The following PGD variants were observed in gnomAD, a reference collection of about 807,000 sequenced individuals.
The protein encoded by PGD is phosphogluconate dehydrogenase.
PGD carries 21 observed loss-of-function variants against 60.4 expected under a neutral mutation model. That is an observed-to-expected ratio of 0.35 (90% confidence interval 0.25 to 0.50). The LOEUF (loss-of-function observed/expected upper bound fraction) is 0.50, where lower values mean the gene tolerates loss of function less well. PGD is among the 20% of genes least tolerant of loss of function. PGD has a pLI of 0.98. For missense variants in PGD, 477 were observed against 613.1 expected (o/e 0.78, Z 2.34); for synonymous variants, 230 against 235.9 (o/e 0.97, Z 0.23).
At chr1:10,399,763 G>A (rs1472584216) in intron 2 of PGD, 59 bp downstream of exon 2, 2 of 1,458,856 alleles carry the variant, frequency 1.4e-6, no homozygotes, top group Non-Finnish European at 1.9e-6. Context: ...GCCGAGGCCG[G>A]CGATAGGTTT....
At chr1:10,417,223 G>A in intron 9 of PGD, 106 bp downstream of exon 9, 2 of 1,472,538 alleles carry the variant, frequency 1.4e-6, no homozygotes, top group Non-Finnish European at 1.9e-6. Flanking sequence ...CAGGTGGAAT[G>A]AAGTTCAGCC....
In PGD at chr1:10,419,733, C is replaced by G. The variant is rs749994897; in HGVS notation, c.1436C>G (p.Ser479Trp). The change falls in exon 13 of 13, where the codon TCG becomes TGG. Residue 479 changes from serine to tryptophan, a missense_variant. Physicochemically the swap from Ser to Trp is radical, Grantham distance 177 (BLOSUM62 -3). Transcript: ENST00000270776. ...GGCCATGGTGGCACCGTGTCATCCT[C>G]GTCATACAATGCCTGATCATGCTGC... The part of the protein sequence containing the change: ...WTGHGGTVSS[S>W]SYNA 6.2e-7 allele frequency: 1 copy of G among 1,614,096 alleles called. No individual in the cohort carries two copies. Among genetic ancestry groups the G allele is most frequent in the Admixed American group, 1.7e-5 (1 of 60,008 alleles).
chr1:10,410,235 G>C (rs1476586573), intron 6 of PGD, among the ~76,000 whole-genome samples: 1 of 152,082 alleles, frequency 6.6e-6, no homozygotes, highest in Non-Finnish European at 1.5e-5. Flanking sequence ...TGGATCACCT[G>C]AGGTCAGGAG....
intron 2 of PGD, 86 bp downstream of exon 2, chr1:10,399,790 C>G (rs1349642229): frequency 1.7e-6 from 2 of 1,146,644 alleles, no homozygotes; most frequent in Non-Finnish European, 2.6e-6. Context: ...TTACGGGTCT[C>G]CTGGCCGTGC....
intron 6 of PGD, among the ~76,000 whole-genome samples, chr1:10,410,808 A>G (rs1639486987): frequency 6.6e-6 from 1 of 151,952 alleles, no homozygotes; most frequent in African/African-American, 2.4e-5. Context: ...GATTTTATAC[A>G]TCTTGCCAGC....
At chr1:10,414,306 T>C (rs1170826037) in intron 8 of PGD, among the ~76,000 whole-genome samples, 1 of 152,018 alleles carries the variant, frequency 6.6e-6, no homozygotes, top group Non-Finnish European at 1.5e-5. Flanking sequence ...GGAAATAATA[T>C]AAAGAAATAA....
chr1:10,406,889 A>G (rs932259458), intron 5 of PGD, among the ~76,000 whole-genome samples: 2 of 152,252 alleles, frequency 1.3e-5, no homozygotes, highest in Non-Finnish European at 2.9e-5. Flanking sequence ...CAAATGAAAG[A>G]GGGTCTCTTC....
intron 5 of PGD, among the ~76,000 whole-genome samples, chr1:10,405,299 G>A (rs1381484368): frequency 6.6e-6 from 1 of 151,628 alleles, no homozygotes; most frequent in Non-Finnish European, 1.5e-5. Flanking sequence ...CTTGAACCTA[G>A]GAGGCAGAGG....
chr1:10,403,525 A>G (rs1408708071), intron 4 of PGD, among the ~76,000 whole-genome samples: 1 of 148,304 alleles, frequency 6.7e-6, no homozygotes, highest in East Asian at 2.0e-4. Flanking sequence ...TGGGAGGCAG[A>G]AGTTGCAGTG....
intron 1 of PGD, 59 bp downstream of exon 1, chr1:10,399,184 G>T: frequency 6.3e-7 from 1 of 1,585,200 alleles, no homozygotes. Context: ...ACTCTTTGGG[G>T]GTCGAGATCT....
rs754784178 is a variant in PGD, at chr1:10,413,120, A to G, written c.713A>G (p.Asn238Ser). 3.7e-6 allele frequency: 6 copies of G among 1,614,010 alleles called. No homozygotes were observed. The highest frequency in any genetic ancestry group is 1.6e-4 in the Middle Eastern group (1 of 6,084). ...LDSFLIEITA[N>S]ILKFQDTDGK... ...TCATTCCTGATTGAAATCACAGCCA[A>G]TATTCTCAAGTTCCAAGACACCGAT... Residue 238 changes from asparagine (N) to serine (S), a missense_variant, in exon 8 of 13, where the codon AAT becomes AGT. Around this residue, in one of 3 missense-constraint regions of PGD, gnomAD observed 431 missense variants for 556.6 expected, o/e 0.77. Coordinates refer to ENST00000270776, the MANE Select transcript of PGD (RefSeq NM_002631.4).
At chr1:10,409,339 C>T (rs536679339) in intron 6 of PGD, among the ~76,000 whole-genome samples, 5 of 152,136 alleles carry the variant, frequency 3.3e-5, no homozygotes, top group Non-Finnish European at 7.4e-5. Flanking sequence ...TGAGCTCAGT[C>T]AGAATCTGCT....
At chr1:10,417,568 C>T (rs1639618878) in intron 10 of PGD, 59 bp downstream of exon 10, 9 of 1,534,126 alleles carry the variant, frequency 5.9e-6, no homozygotes, top group African/African-American at 1.4e-5. Context: ...TGCAGAAGTG[C>T]GATCTTAGGA....
In PGD at chr1:10,413,157, G is replaced by A. The variant is rs1639527664; in HGVS notation, c.750G>A (p.Leu250=). ...LKFQDTDGKH[L]LPKIRDSAGQ... ...TCCAAGACACCGATGGCAAACACCT[G>A]CTGCCAAAGATCAGGGACAGCGCGG... Residue 250 remains leucine (L), a synonymous_variant, in exon 8 of 13, where the codon CTG becomes CTA. Coordinates refer to ENST00000270776, the MANE Select transcript of PGD (RefSeq NM_002631.4). 1.2e-6 allele frequency: 2 copies of A among 1,614,126 alleles called. No homozygotes were observed. The highest frequency in any genetic ancestry group is 1.1e-5 in the South Asian group (1 of 91,090).
intron 5 of PGD, among the ~76,000 whole-genome samples, chr1:10,406,590 A>G (rs1203277391): frequency 6.6e-6 from 1 of 152,182 alleles, no homozygotes; most frequent in African/African-American, 2.4e-5. Context: ...AGTTCAGTGA[A>G]GCTCTGCGGT....
intron 5 of PGD, among the ~76,000 whole-genome samples, chr1:10,405,462 A>G (rs1034332115): frequency 6.6e-6 from 1 of 151,326 alleles, no homozygotes; most frequent in South Asian, 2.1e-4. Context: ...CGATATATAT[A>G]TAAATAATTG....
At chr1:10,411,303 A>T in intron 6 of PGD, 115 bp from the exon 7 acceptor site, 1 of 1,139,022 alleles carries the variant, frequency 8.8e-7, no homozygotes, top group Non-Finnish European at 1.3e-6. Flanking sequence ...TATACTTGTT[A>T]TTTTTTGTGT....
At chr1:10,412,434 CTCACTTACT>C (rs1283720426) in intron 7 of PGD, among the ~76,000 whole-genome samples, 1 of 152,186 alleles carries the variant, frequency 6.6e-6, no homozygotes, top group Non-Finnish European at 1.5e-5. Context: ...TCATGTCATC[CTCACTTACT>C]TTGACTATTG....
chr1:10,415,774 A>C (rs1233293125), intron 8 of PGD, among the ~76,000 whole-genome samples: 1 of 152,228 alleles, frequency 6.6e-6, no homozygotes, highest in Non-Finnish European at 1.5e-5. Flanking sequence ...AAGTGGTTAA[A>C]GAGTCATTTA....
Sources: allele counts gnomAD v4.1 joint callset (sites outside exome capture counted in the v4.1 genomes callset), GRCh38; gene constraint gnomAD v4.1.1; regional missense constraint gnomAD v4.1.1; transcripts MANE v1.5; gene names NCBI Gene and HGNC (gene_info 2026-07-23, HGNC 2026-07-21).